The following PCDH15 variants were observed in gnomAD, a reference collection of about 807,000 sequenced individuals.
PCDH15 encodes protocadherin-15.
Under a neutral mutation model 178.5 loss-of-function variants are expected in PCDH15, and 129 were observed. The observed-to-expected ratio is 0.72, with a 90% CI of 0.63 to 0.84. The LOEUF is 0.84. Ranked by LOEUF, PCDH15 falls within the 40% of genes least tolerant of loss-of-function variation. The probability of loss-of-function intolerance (pLI) is 0.00; values close to 1 mark genes in which losing one functional copy is unlikely to be tolerated. For synonymous variants in PCDH15, 800 were observed against 732.0 expected, an observed-to-expected ratio of 1.09 and a Z score of -1.50; for missense variants, 2,230 against 2,099.9, an observed-to-expected ratio of 1.06 and a Z score of -1.21.
chr10:55,072,865 C>T (rs540451157), intron 2 of PCDH15, among the ~76,000 whole-genome samples: 1 of 150,820 alleles, frequency 6.6e-6, no homozygotes, highest in Non-Finnish European at 1.5e-5. Context: ...TACTGGCAAA[C>T]CGAATCCAGC....
Position 55,331,310 on chromosome 10 carries a change from T to C in PCDH15, c.-155-164659A>G, listed in dbSNP as rs7910769. Among the ~76,000 whole-genome samples, 715 of 152,136 alleles carry C rather than the reference T, an allele frequency of 4.7e-3. 5 individuals carry two copies. Among genetic ancestry groups the C allele is most frequent in the African/African-American group, 0.016 (678 of 41,554 alleles). On this transcript the variant is annotated intron_variant, in intron 2 of 5. Transcript: ENST00000613346. ...GTAGTACTGTAGGTGATGTGCCATATATGAGACTATTTTCTCAACAATAAT... is the reference window on the plus strand; with the variant it reads ...GTAGTACTGTAGGTGATGTGCCATACATGAGACTATTTTCTCAACAATAAT...
chr10:54,996,167 A>G (rs1839638673), intron 2 of PCDH15, among the ~76,000 whole-genome samples: 1 of 152,070 alleles, frequency 6.6e-6, no homozygotes, highest in Non-Finnish European at 1.5e-5. Flanking sequence ...CCTCCTAAAC[A>G]GTGGCTTCAC....
In PCDH15 at chr10:54,346,498, A is replaced by C; in HGVS notation, c.475-14T>G. ...AACTGGAGTGAGCTGAAAGGAAAAA[A>C]GATTTTAAATATCAATTTTCATTTT... On this transcript the variant is annotated splice_polypyrimidine_tract_variant and intron_variant, in intron 5 of 37. Coordinates refer to ENST00000644397, the MANE Select transcript of PCDH15 (RefSeq NM_001384140.1). 2 of 1,612,940 alleles carry C rather than the reference A, an allele frequency of 1.2e-6. No homozygotes were observed. Among genetic ancestry groups the C allele is most frequent in the Non-Finnish European group, 1.7e-6 (2 of 1,179,736 alleles).
chr10:54,598,571 A>G (rs1301581104), intron 2 of PCDH15, among the ~76,000 whole-genome samples: 2 of 151,936 alleles, frequency 1.3e-5, no homozygotes, highest in South Asian at 2.1e-4. Flanking sequence ...CACCAAAAAA[A>G]TGATTTCTCC....
chr10:54,308,463 A>T (rs1289085193), intron 8 of PCDH15, among the ~76,000 whole-genome samples: 2 of 151,922 alleles, frequency 1.3e-5, no homozygotes, highest in Non-Finnish European at 2.9e-5. Flanking sequence ...TAGTTATTTT[A>T]TACCTGTTTC....
chr10:54,879,550 A>C (rs1954222078), intron 3 of PCDH15, among the ~76,000 whole-genome samples: 1 of 151,974 alleles, frequency 6.6e-6, no homozygotes, highest in Non-Finnish European at 1.5e-5. Flanking sequence ...TAACACATTT[A>C]TTGTAATAAA....
At chr10:54,882,529 C>T (rs2131807486) in intron 3 of PCDH15, among the ~76,000 whole-genome samples, 1 of 152,160 alleles carries the variant, frequency 6.6e-6, no homozygotes, top group East Asian at 1.9e-4. Context: ...TTTATCACTC[C>T]TGGCCCCCAC....
chr10:55,479,144 G>A lies in PCDH15; in HGVS notation c.-156+148481C>T, dbSNP rs984940368. ...GAATTCTTCCAAACCCATTATATGAGGTCAGCATTACTCTGCTACCAAAAT... is the reference window on the plus strand; with the variant it reads ...GAATTCTTCCAAACCCATTATATGAAGTCAGCATTACTCTGCTACCAAAAT... On this transcript the variant is annotated intron_variant, in intron 2 of 5. Transcript: ENST00000613346. Among the ~76,000 whole-genome samples, 9 of 151,320 alleles carry A rather than the reference G, an allele frequency of 5.9e-5. No homozygotes were observed. The East Asian group carries it at 1.7e-3, about 29-fold the overall frequency.
Position 54,845,671 on chromosome 10 carries a change from A to G in PCDH15, c.-29+51779T>C, listed in dbSNP as rs58723613. ...AGGATAAAATTTTGAATAGACAGAG[A>G]AAGGCTCTTGCTGTGAGAAAGTTTA... On this transcript the variant is annotated intron_variant, in intron 3 of 5. Coordinates refer to the PCDH15 transcript ENST00000458638. 3.3e-3 allele frequency among the ~76,000 whole-genome samples: 499 copies of G among 152,208 alleles called. 1 individual carries two copies. The highest frequency in any genetic ancestry group is 0.011 in the African/African-American group (473 of 41,574).
intron 3 of PCDH15, among the ~76,000 whole-genome samples, chr10:54,860,394 C>T (rs1052986341): frequency 6.6e-6 from 1 of 152,120 alleles, no homozygotes; most frequent in Non-Finnish European, 1.5e-5. Flanking sequence ...TAAGTAAGGA[C>T]ATGAAGTATT....
At chr10:54,267,003 T>C (rs551370979) in intron 8 of PCDH15, among the ~76,000 whole-genome samples, 2 of 151,852 alleles carry the variant, frequency 1.3e-5, no homozygotes, top group Non-Finnish European at 3.0e-5. Flanking sequence ...GGCCAATATA[T>C]CTGATGAACA....
intron 1 of PCDH15, among the ~76,000 whole-genome samples, chr10:54,695,977 T>C (rs78102323): frequency 0.079 from 12,069 of 152,064 alleles, 536 homozygotes; most frequent in South Asian, 0.15. Flanking sequence ...CTGTGATGCC[T>C]GCCAGCACAA....
At chr10:55,578,623 A>T (rs1842543761) in intron 2 of PCDH15, among the ~76,000 whole-genome samples, 1 of 152,174 alleles carries the variant, frequency 6.6e-6, no homozygotes, top group Non-Finnish European at 1.5e-5. Flanking sequence ...GTTTTAATTC[A>T]ATGTGTGTAT....
intron 28 of PCDH15, among the ~76,000 whole-genome samples, chr10:53,843,553 G>C (rs181866561): frequency 3.9e-5 from 6 of 151,988 alleles, no homozygotes; most frequent in Admixed American, 2.0e-4. Context: ...TGGATGGTAT[G>C]ATTTTGAGTT....
intron 2 of PCDH15, among the ~76,000 whole-genome samples, chr10:54,991,902 T>G (rs1839509848): frequency 6.6e-6 from 1 of 152,042 alleles, no homozygotes; most frequent in African/African-American, 2.4e-5. Context: ...TTTAAAATAT[T>G]AAATAATTGA....
At chr10:53,915,341 A>G (rs2083444775) in intron 25 of PCDH15, among the ~76,000 whole-genome samples, 2 of 152,160 alleles carry the variant, frequency 1.3e-5, no homozygotes, top group Admixed American at 1.3e-4. Flanking sequence ...CTATATTTTT[A>G]TATACTATTC....
At chr10:54,519,080 C>T (rs1179847325) in intron 3 of PCDH15, among the ~76,000 whole-genome samples, 1 of 152,152 alleles carries the variant, frequency 6.6e-6, no homozygotes, top group African/African-American at 2.4e-5. Context: ...TAAGCGCTAT[C>T]TATGACAAAC....
intron 3 of PCDH15, among the ~76,000 whole-genome samples, chr10:54,811,723 C>T (rs1269163360): frequency 6.6e-6 from 1 of 152,142 alleles, no homozygotes; most frequent in East Asian, 1.9e-4. Flanking sequence ...CCCGCCTCCG[C>T]CTCCCAAACT....
intron 2 of PCDH15, among the ~76,000 whole-genome samples, chr10:55,335,507 C>T (rs901482444): frequency 1.8e-4 from 27 of 152,184 alleles, no homozygotes; most frequent in Admixed American, 1.3e-4. Flanking sequence ...TGGTGATTCA[C>T]ATACTATCAG....
Sources: gnomAD v4.1 joint callset for allele counts (sites outside exome capture counted in the v4.1 genomes callset) on GRCh38, gnomAD v4.1.1 for gene constraint, MANE v1.5 for transcripts, NCBI Gene and HGNC (gene_info 2026-07-23, HGNC 2026-07-21) for gene names.